The following CDC42SE2 variants were observed in gnomAD, a reference collection of about 807,000 sequenced individuals.
CDC42SE2 encodes the protein CDC42 small effector protein 2.
A neutral mutation model predicts 11.5 loss-of-function variants in CDC42SE2; 3 were observed. That is an observed-to-expected ratio of 0.26 (90% CI 0.12 to 0.67). CDC42SE2 has a LOEUF of 0.67. Ranked by LOEUF, CDC42SE2 falls within the 30% of genes least tolerant of loss-of-function variation. The pLI is 0.80. For missense variants in CDC42SE2, 82 were observed against 106.8 expected, an observed-to-expected ratio of 0.77 and a Z score of 1.02; for synonymous variants, 33 against 34.8, an observed-to-expected ratio of 0.95 and a Z score of 0.18.
intron 3 of CDC42SE2, among the ~76,000 whole-genome samples, chr5:131,368,854 T>C (rs1424101453): frequency 6.6e-6 from 1 of 152,190 alleles, no homozygotes; most frequent in East Asian, 1.9e-4. Context: ...AGGACTCTTA[T>C]TTAACATAAC....
rs549275450 is a variant in CDC42SE2, at chr5:131,373,573, T to A, written c.55-11970T>A. Among the ~76,000 whole-genome samples the A allele has an allele frequency of 2.3e-3, 343 of 152,332 alleles. 1 individual carries two copies. The highest frequency in any genetic ancestry group is 7.9e-3 in the African/African-American group (329 of 41,572). On this transcript the variant is annotated intron_variant, in intron 3 of 4. Coordinates refer to ENST00000505065, the MANE Select transcript of CDC42SE2 (RefSeq NM_001375635.1). ...GAGCTCACCATCTGATCACTGTTCA[T>A]TGAATTTACAGTTGAACATGACCCG...
chr5:131,277,921 C>G (rs1168340988), intron 1 of CDC42SE2, among the ~76,000 whole-genome samples: 4 of 152,142 alleles, frequency 2.6e-5, no homozygotes, highest in Non-Finnish European at 5.9e-5. Context: ...ATGCCCGAAA[C>G]AATACTGGCA....
intron 1 of CDC42SE2, among the ~76,000 whole-genome samples, chr5:131,270,332 G>A (rs1756967226): frequency 6.6e-6 from 1 of 151,434 alleles, no homozygotes; most frequent in Admixed American, 6.6e-5. Flanking sequence ...CTGAGATCAC[G>A]CCATTGCACT....
chr5:131,371,990 C>G (rs1375685703), intron 3 of CDC42SE2, among the ~76,000 whole-genome samples: 2 of 152,152 alleles, frequency 1.3e-5, no homozygotes, highest in African/African-American at 4.8e-5. Flanking sequence ...CGTTTCCCCC[C>G]CTTATTCCCC....
intron 3 of CDC42SE2, among the ~76,000 whole-genome samples, chr5:131,370,812 TTTTTTAAACTGAC>T (rs769132344): frequency 1.3e-5 from 2 of 152,192 alleles, no homozygotes; most frequent in Non-Finnish European, 2.9e-5. Context: ...CATGAATTTT[TTTTTTAAACTGAC>T]TTTTGGGGTT....
the CDC42SE2 span, among the ~76,000 whole-genome samples, chr5:131,239,244 T>A: frequency 6.6e-6 from 1 of 151,858 alleles, no homozygotes; most frequent in Non-Finnish European, 1.5e-5. Context: ...ATTTTTAAAA[T>A]CTTTTTAATA....
At chr5:131,384,628 A>G (rs142792092) in intron 3 of CDC42SE2, among the ~76,000 whole-genome samples, 85 of 152,310 alleles carry the variant, frequency 5.6e-4, no homozygotes, top group Middle Eastern at 3.4e-3. Flanking sequence ...GATAATCTTC[A>G]TATCTGGAAA....
chr5:131,309,510 C>G (rs1757854139), intron 1 of CDC42SE2, among the ~76,000 whole-genome samples: 1 of 151,024 alleles, frequency 6.6e-6, no homozygotes, highest in Non-Finnish European at 1.5e-5. Flanking sequence ...GGAATAGTTT[C>G]AGAAGGAATG....
chr5:131,387,048 A>AT lies in CDC42SE2; in HGVS notation c.156+1404_156+1405insT, dbSNP rs1750507771. ...TCACTTGACTGCTTTGTGGAAATGC[A>AT]AGAGGTATCATGTTGCTGTCAAAAC... On this transcript the variant is annotated intron_variant, in intron 4 of 4. Transcript: ENST00000505065. Among the ~76,000 whole-genome samples the AT allele has an allele frequency of 2.0e-5, 3 of 152,356 alleles. No homozygotes were observed. The South Asian group carries it at 6.2e-4, about 32-fold the overall frequency.
At chr5:131,307,646 A>C (rs1412087661) in intron 1 of CDC42SE2, among the ~76,000 whole-genome samples, 1 of 152,130 alleles carries the variant, frequency 6.6e-6, no homozygotes, top group Non-Finnish European at 1.5e-5. Context: ...TGCCACACTG[A>C]CTTCCACAAT....
At chr5:131,309,937 T>C (rs1757865850) in intron 1 of CDC42SE2, among the ~76,000 whole-genome samples, 1 of 152,072 alleles carries the variant, frequency 6.6e-6, no homozygotes, top group Admixed American at 6.5e-5. Context: ...TTTTTGTGTC[T>C]CTATTTCCTT....
chr5:131,265,319 TAAAG>T (rs1333232370), intron 1 of CDC42SE2, among the ~76,000 whole-genome samples: 5 of 152,298 alleles, frequency 3.3e-5, no homozygotes, highest in South Asian at 4.1e-4. Flanking sequence ...ATGGAGAAGA[TAAAG>T]AGGGAGTGGG....
At chr5:131,274,281 A>G (rs1757055921) in intron 1 of CDC42SE2, among the ~76,000 whole-genome samples, 1 of 151,984 alleles carries the variant, frequency 6.6e-6, no homozygotes, top group Non-Finnish European at 1.5e-5. Context: ...TCCTCATCCT[A>G]TTAAATGTCA....
chr5:131,327,487 T>C (rs981571503), intron 2 of CDC42SE2, among the ~76,000 whole-genome samples: 3 of 152,222 alleles, frequency 2.0e-5, no homozygotes, highest in Admixed American at 6.5e-5. Context: ...GTTAGTGGGC[T>C]TTATGTGACC....
chr5:131,319,702 T>A (rs1210721077), intron 2 of CDC42SE2, among the ~76,000 whole-genome samples: 1 of 152,130 alleles, frequency 6.6e-6, no homozygotes, highest in Non-Finnish European at 1.5e-5. Flanking sequence ...ATTAGTTGAA[T>A]CTAAAATTTA....
At chr5:131,282,471 C>A (rs1025586926) in intron 1 of CDC42SE2, among the ~76,000 whole-genome samples, 1 of 152,056 alleles carries the variant, frequency 6.6e-6, no homozygotes, top group Non-Finnish European at 1.5e-5. Context: ...AAATCTGGAA[C>A]CTGTTTCAAA....
chr5:131,368,607 T>C (rs1749929651), intron 3 of CDC42SE2, among the ~76,000 whole-genome samples: 1 of 152,190 alleles, frequency 6.6e-6, no homozygotes, highest in Admixed American at 6.5e-5. Flanking sequence ...AACTGGTGTA[T>C]CTTTATTTTT....
At chr5:131,247,260 G>A (rs1756602611) in intron 1 of CDC42SE2, among the ~76,000 whole-genome samples, 1 of 152,106 alleles carries the variant, frequency 6.6e-6, no homozygotes. Context: ...TTTAATATTA[G>A]AAAATGTATG....
chr5:131,314,494 G>C (rs961028687), intron 1 of CDC42SE2, among the ~76,000 whole-genome samples: 1 of 152,050 alleles, frequency 6.6e-6, no homozygotes, highest in Non-Finnish European at 1.5e-5. Flanking sequence ...TCCCACCCTG[G>C]CCTCCCAGAG....
Sources: gnomAD v4.1 joint callset for allele counts (sites outside exome capture counted in the v4.1 genomes callset) on GRCh38, gnomAD v4.1.1 for gene constraint, MANE v1.5 for transcripts, NCBI Gene and HGNC (gene_info 2026-07-23, HGNC 2026-07-21) for gene names.